The following DNAH10 variants were observed in gnomAD, a reference collection of about 807,000 sequenced individuals.
The protein encoded by DNAH10 is dynein axonemal heavy chain 10.
A neutral mutation model predicts 506.6 loss-of-function variants in DNAH10; 348 were observed. The observed-to-expected ratio is 0.69, with a 90% CI of 0.63 to 0.75. The LOEUF (loss-of-function observed/expected upper bound fraction) is 0.75, where lower values mean the gene tolerates loss of function less well. Ranked by LOEUF, DNAH10 falls within the 30% of genes least tolerant of loss-of-function variation. The pLI is 0.00. For synonymous variants in DNAH10, 2,059 were observed against 2,198.6 expected (o/e 0.94, Z 1.78); for missense variants, 5,179 against 5,787.1 (o/e 0.89, Z 3.41).
At chr12:123,790,615 A>G (rs1484466116) in intron 11 of DNAH10, among the ~76,000 whole-genome samples, 1 of 152,138 alleles carries the variant, frequency 6.6e-6, no homozygotes, top group Non-Finnish European at 1.5e-5. Flanking sequence ...GAACAGTGTG[A>G]ATGAAGGTGA....
Position 123,934,831 on chromosome 12 carries a change from G to A in DNAH10, c.13623+65G>A, listed in dbSNP as rs750861466. 1.1e-4 allele frequency: 173 copies of A among 1,596,314 alleles called. 1 individual carries two copies. The highest frequency in any genetic ancestry group is 1.4e-4 in the Non-Finnish European group (168 of 1,171,120). ...TCCTCTTCTGACTGTAGTTATGGCT[G>A]AGGTGGTTTCCAACAGTCCTACTTT... On this transcript the variant is annotated intron_variant, in intron 78 of 78. Transcript: ENST00000673944.
At chr12:123,823,330 C>G (rs1959620678) in intron 24 of DNAH10, among the ~76,000 whole-genome samples, 1 of 152,102 alleles carries the variant, frequency 6.6e-6, no homozygotes, top group South Asian at 2.1e-4. Flanking sequence ...GGAGATGAAG[C>G]CGTGAGAAGG....
chr12:123,926,495 CAG>C lies in DNAH10; in HGVS notation c.11922-141_11922-140del, dbSNP rs1954949932. The C allele has an allele frequency of 2.3e-6, 2 of 865,556 alleles. No homozygotes were observed. The highest frequency in any genetic ancestry group is 1.7e-5 in the African/African-American group (1 of 57,974). 53.6% of individuals were successfully genotyped at this position (865,556 alleles called of 1,614,324 possible). A position where few individuals can be genotyped will look rare whatever the true frequency, so the allele number is the denominator to read the frequency against. On this transcript the variant is annotated intron_variant, in intron 68 of 78. Coordinates refer to ENST00000673944, the MANE Select transcript of DNAH10 (RefSeq NM_001372106.1). This position sits in a 1 kb window ranked among gnomAD's most constrained non-coding sequence, Gnocchi z 4.1. ...CGTGCATAGAAACTAGAATCTAAAACAGGGAAGACTGCAACGAGCTATCCCAG... is the reference window on the plus strand; with the variant it reads ...CGTGCATAGAAACTAGAATCTAAAACGGAAGACTGCAACGAGCTATCCCAG...
intron 19 of DNAH10, among the ~76,000 whole-genome samples, chr12:123,811,263 G>C (rs956601668): frequency 1.3e-5 from 2 of 152,028 alleles, no homozygotes; most frequent in African/African-American, 2.4e-5. Context: ...CGTGTATACA[G>C]CTTAGTGCAG....
At chr12:123,859,072 C>T (rs1049557225) in intron 37 of DNAH10, 78 bp from the exon 38 acceptor site, 17 of 1,282,088 alleles carry the variant, frequency 1.3e-5, no homozygotes, top group African/African-American at 5.9e-5. Context: ...AATTGTATGG[C>T]GTGTGTGTTG....
chr12:123,921,690 AGTTTTTTTTTTTT>A (rs1954729858), intron 65 of DNAH10, among the ~76,000 whole-genome samples: 1 of 98,234 alleles, frequency 1.0e-5, no homozygotes, highest in African/African-American at 4.0e-5. Context: ...TGTAGCTTGC[AGTTTTTTTTTTTT>A]TTTTTTTTTT....
intron 21 of DNAH10, among the ~76,000 whole-genome samples, chr12:123,815,758 C>T (rs578127135): frequency 6.6e-6 from 1 of 152,302 alleles, no homozygotes; most frequent in South Asian, 2.1e-4. Context: ...GTGCAAACAT[C>T]ATGGAATGTA....
At chr12:123,933,259 TTCCAG>T in intron 76 of DNAH10, 67 bp from the exon 77 acceptor site, 1 of 1,318,322 alleles carries the variant, frequency 7.6e-7, no homozygotes, top group South Asian at 2.0e-5. Flanking sequence ...TAAACTAAAC[TTCCAG>T]GCCAGCTTTG....
Position 123,853,377 on chromosome 12 carries a change from C to T in DNAH10, c.6438+25C>T. 1 of 1,603,198 alleles carries T rather than the reference C, an allele frequency of 6.2e-7. No homozygotes were observed. The highest frequency in any genetic ancestry group is 8.5e-7 in the Non-Finnish European group (1 of 1,174,708). ...GGTAGGGGCCACGTGCTGGAACATT[C>T]TCTGGTTTCAGCTGCTTCAGGCATT... On this transcript the variant is annotated intron_variant, in intron 36 of 78. Transcript: ENST00000673944. This position sits in a 1 kb window ranked among gnomAD's most constrained non-coding sequence, Gnocchi z 4.7.
At chr12:123,817,192 T>G (rs956829665) in intron 21 of DNAH10, among the ~76,000 whole-genome samples, 32 of 151,422 alleles carry the variant, frequency 2.1e-4, no homozygotes, top group Middle Eastern at 3.2e-3. Flanking sequence ...TAGGTTCTTT[T>G]GTTTTGTTTT....
At position 123,934,287 on chromosome 12, in the gene DNAH10, G is replaced by A. The variant is rs1419820677; in HGVS notation, c.13478-334G>A. ...GCCATGGTGCCCATTCTGACTCTGG[G>A]ACCATGCATCTTTCTAGCCTGGGGG... On this transcript the variant is annotated intron_variant, in intron 77 of 78. Transcript: ENST00000673944. The A allele has an allele frequency of 5.8e-6, 4 of 692,336 alleles. No individual in the cohort carries two copies. In the Admixed American group the frequency reaches 8.1e-5, roughly 14 times the overall value. 42.9% of individuals were successfully genotyped at this position (692,336 alleles called of 1,614,324 possible).
intron 11 of DNAH10, 40 bp downstream of exon 11, chr12:123,790,161 A>G (rs1594032509): frequency 1.3e-6 from 2 of 1,584,716 alleles, no homozygotes; most frequent in East Asian, 2.2e-5. Context: ...GGGAGTCGAC[A>G]CCATGTTTTC....
rs1044621288 is a variant in DNAH10 at position 123,853,188 on chromosome 12, T to C, written c.6292-18T>C. 3.8e-6 allele frequency: 6 copies of C among 1,560,296 alleles called. No individual in the cohort carries two copies. In the African/African-American group the frequency reaches 8.3e-5, roughly 21 times the overall value. On this transcript the variant is annotated intron_variant, in intron 35 of 78. Transcript: ENST00000673944. This position sits in a 1 kb window ranked among gnomAD's most constrained non-coding sequence, Gnocchi z 4.7. ...TTCTTTTTTCTTTTTTTTTGTATTA[T>C]TATCTTCTATCAAAAAGACTCTGGC...
intron 11 of DNAH10, among the ~76,000 whole-genome samples, chr12:123,792,059 G>T (rs1039234815): frequency 6.6e-6 from 1 of 152,062 alleles, no homozygotes; most frequent in African/African-American, 2.4e-5. Flanking sequence ...GTAGATACAG[G>T]CTGGACTGTC....
At chr12:123,921,038 G>T (rs900373113) in intron 65 of DNAH10, among the ~76,000 whole-genome samples, 12 of 152,176 alleles carry the variant, frequency 7.9e-5, no homozygotes, top group African/African-American at 2.9e-4. Context: ...CTCCCAAAGT[G>T]CTGGGATTAG....
chr12:123,764,427 AAC>A (rs1302687274), intron 1 of DNAH10, among the ~76,000 whole-genome samples: 1 of 152,048 alleles, frequency 6.6e-6, no homozygotes, highest in Non-Finnish European at 1.5e-5. Flanking sequence ...GGAAACCAAA[AAC>A]ACACTCGCAG....
chr12:123,891,753 C>T (rs969745534), intron 52 of DNAH10, among the ~76,000 whole-genome samples: 4 of 152,168 alleles, frequency 2.6e-5, no homozygotes, highest in African/African-American at 9.7e-5. Context: ...GGCTCCGTGA[C>T]TTGCTAGGAG....
At chr12:123,830,780 T>TG in intron 26 of DNAH10, 81 bp downstream of exon 26, 1 of 942,100 alleles carries the variant, frequency 1.1e-6, no homozygotes, top group Non-Finnish European at 1.4e-6. Flanking sequence ...TCATCTATAC[T>TG]AAAAAAAAAA....
intron 5 of DNAH10, among the ~76,000 whole-genome samples, chr12:123,780,027 C>A (rs1957582596): frequency 1.3e-5 from 2 of 152,070 alleles, no homozygotes; most frequent in Admixed American, 1.3e-4. Context: ...CTCTCTCTAG[C>A]TACATTTTGA....
Sources: gnomAD v4.1 joint callset for allele counts (sites outside exome capture counted in the v4.1 genomes callset) on GRCh38, gnomAD v4.1.1 for gene constraint, Gnocchi (gnomAD v3.1) non-coding constraint, MANE v1.5 for transcripts, NCBI Gene and HGNC (gene_info 2026-07-23, HGNC 2026-07-21) for gene names.